The following RGPD3 variants were observed in gnomAD, a reference collection of about 807,000 sequenced individuals.
RGPD3 encodes the protein ranBP2-like and GRIP domain-containing protein 3.
RGPD3 carries 62 observed loss-of-function variants against 154.5 expected under a neutral mutation model. The observed-to-expected ratio is 0.40, with a 90% CI of 0.33 to 0.50. RGPD3 has a LOEUF of 0.50. Ranked by LOEUF, RGPD3 falls within the 20% of genes least tolerant of loss-of-function variation. The pLI is 0.59. For synonymous variants in RGPD3, 308 were observed against 607.0 expected, an observed-to-expected ratio of 0.51 and a Z score of 7.24; for missense variants, 919 against 1,716.8, an observed-to-expected ratio of 0.54 and a Z score of 8.21.
intron 15 of RGPD3, 51 bp downstream of exon 15, chr2:106,434,177 C>A: frequency 1.3e-6 from 2 of 1,594,608 alleles, no homozygotes; most frequent in South Asian, 2.2e-5. Flanking sequence ...CGCAAAAACA[C>A]TGACCAGTGG....
intron 1 of RGPD3, among the ~76,000 whole-genome samples, chr2:106,463,702 G>C (rs1240895402): frequency 1.3e-5 from 2 of 151,498 alleles, no homozygotes; most frequent in Non-Finnish European, 3.0e-5. Flanking sequence ...TGGAGAAGTC[G>C]GTTAGTAAGG....
rs1450240062 is a variant in RGPD3, at chr2:106,408,565, C to T, written c.5267-3336G>A. On this transcript the variant is annotated intron_variant, in intron 22 of 22. Coordinates refer to ENST00000409886, the MANE Select transcript of RGPD3 (RefSeq NM_001144013.2). ...GATGATACAGTCAGGTATTTACCAACACTCATGTATATATGTAGAGTGTCA... is the reference window on the plus strand; with the variant it reads ...GATGATACAGTCAGGTATTTACCAATACTCATGTATATATGTAGAGTGTCA... 9.3e-5 allele frequency among the ~76,000 whole-genome samples: 13 copies of T among 140,330 alleles called. 1 individual carries two copies. Among genetic ancestry groups the T allele is most frequent in the Non-Finnish European group, 1.4e-4 (9 of 65,032 alleles). The allele number at this position is 140,330 out of a possible 152,430, so 92.1% of individuals were successfully genotyped here.
At chr2:106,426,826 C>A (rs1424413254) in intron 18 of RGPD3, among the ~76,000 whole-genome samples, 2 of 152,206 alleles carry the variant, frequency 1.3e-5, no homozygotes, top group African/African-American at 4.8e-5. Context: ...AGAAACTGTG[C>A]CAAGAGGTTC....
chr2:106,420,396 A>G (rs1676943937), intron 20 of RGPD3, among the ~76,000 whole-genome samples: 1 of 151,992 alleles, frequency 6.6e-6, no homozygotes, highest in African/African-American at 2.4e-5. Flanking sequence ...ACTAATGTAA[A>G]GAAGAACTTC....
chr2:106,421,793 G>C (rs1295781847), intron 20 of RGPD3, among the ~76,000 whole-genome samples: 9 of 151,250 alleles, frequency 6.0e-5, no homozygotes, highest in East Asian at 3.9e-4. Flanking sequence ...AGTGGCTAAA[G>C]ATAAACATTA....
chr2:106,461,488 A>C (rs371309979), intron 1 of RGPD3, among the ~76,000 whole-genome samples: 3 of 152,140 alleles, frequency 2.0e-5, no homozygotes, highest in South Asian at 4.1e-4. Context: ...GAGGCCGTGA[A>C]ATTTTTATCA....
At chr2:106,463,520 G>A (rs1293235668) in intron 1 of RGPD3, among the ~76,000 whole-genome samples, 1 of 151,906 alleles carries the variant, frequency 6.6e-6, no homozygotes, top group Non-Finnish European at 1.5e-5. Context: ...TTTCCTCAAA[G>A]CAAGTGAGAC....
intron 9 of RGPD3, among the ~76,000 whole-genome samples, chr2:106,438,676 G>A (rs1251518786): frequency 6.6e-6 from 1 of 151,944 alleles, no homozygotes; most frequent in Non-Finnish European, 1.5e-5. Flanking sequence ...CCGCTACTTG[G>A]GAGACTGAGG....
At chr2:106,464,419 T>C (rs1256088929) in intron 1 of RGPD3, among the ~76,000 whole-genome samples, 1 of 151,326 alleles carries the variant, frequency 6.6e-6, no homozygotes, top group African/African-American at 2.4e-5. Context: ...ATATGTGTGT[T>C]ACTCAGAAGT....
intron 6 of RGPD3, among the ~76,000 whole-genome samples, chr2:106,450,744 G>T (rs2104504056): frequency 8.1e-6 from 1 of 122,910 alleles, no homozygotes; most frequent in South Asian, 3.1e-4. Context: ...AATTAGCCAG[G>T]TGTGGTGTCG....
Position 106,404,240 on chromosome 2 carries a change from G to T in RGPD3, c.*979C>A, listed in dbSNP as rs1233859513. On this transcript the variant is annotated 3_prime_UTR_variant, in exon 23 of 23. Coordinates refer to ENST00000409886, the MANE Select transcript of RGPD3 (RefSeq NM_001144013.2). ...GGTTTTTATTTGGGAAAATGGAGAG[G>T]ATTCTCAAAACAGATTCATGGCTTG... is the stretch of plus-strand genomic sequence containing the variant. Among the ~76,000 whole-genome samples the T allele has an allele frequency of 1.3e-5, 2 of 150,156 alleles. No homozygotes were observed. Among genetic ancestry groups the T allele is most frequent in the Admixed American group, 6.6e-5 (1 of 15,120 alleles).
chr2:106,464,781 T>G (rs1328550114), intron 1 of RGPD3, among the ~76,000 whole-genome samples: 3 of 152,176 alleles, frequency 2.0e-5, no homozygotes, highest in African/African-American at 7.2e-5. Context: ...TGGAGTGCAG[T>G]GGTGCAATCT....
At chr2:106,417,452 A>G (rs1380035608) in intron 20 of RGPD3, among the ~76,000 whole-genome samples, 1 of 148,422 alleles carries the variant, frequency 6.7e-6, no homozygotes, top group East Asian at 2.0e-4. Context: ...AAGAAGAAGA[A>G]CATATTTAGA....
At chr2:106,451,021 G>T (rs1293305634) in intron 6 of RGPD3, among the ~76,000 whole-genome samples, 1 of 148,788 alleles carries the variant, frequency 6.7e-6, no homozygotes, top group South Asian at 2.1e-4. Flanking sequence ...CCCGGGAGGC[G>T]GAGGTTACAG....
At chr2:106,406,831 A>G (rs1676532415) in intron 22 of RGPD3, among the ~76,000 whole-genome samples, 1 of 152,214 alleles carries the variant, frequency 6.6e-6, no homozygotes, top group South Asian at 2.1e-4. Context: ...TATGTATGAC[A>G]GTTTGACCTT....
At chr2:106,450,992 G>A (rs1283095489) in intron 6 of RGPD3, among the ~76,000 whole-genome samples, 1 of 150,272 alleles carries the variant, frequency 6.7e-6, no homozygotes, top group Non-Finnish European at 1.5e-5. Context: ...GGGAGGCTGA[G>A]GCAGGAGAAT....
chr2:106,466,135 C>G (rs1278601578), intron 1 of RGPD3, among the ~76,000 whole-genome samples: 2 of 151,916 alleles, frequency 1.3e-5, no homozygotes, highest in African/African-American at 4.8e-5. Context: ...CGGGCCAGGA[C>G]GGGCCCAGGA....
At chr2:106,469,700 A>AC, upstream of RGPD3, among the ~76,000 whole-genome samples, 1 of 152,096 alleles carries the variant, frequency 6.6e-6, no homozygotes, top group Non-Finnish European at 1.5e-5. Context: ...GCAGCACAAA[A>AC]CCAATCAGCT....
intron 3 of RGPD3, among the ~76,000 whole-genome samples, 155 bp from the exon 4 acceptor site, chr2:106,457,278 T>C (rs1678260879): frequency 6.6e-6 from 1 of 152,260 alleles, no homozygotes. Context: ...TTCAAAGGTG[T>C]TCAAATAAAA....
Sources: allele counts gnomAD v4.1 joint callset (sites outside exome capture counted in the v4.1 genomes callset), GRCh38; gene constraint gnomAD v4.1.1; transcripts MANE v1.5; gene names NCBI Gene and HGNC (gene_info 2026-07-23, HGNC 2026-07-21).